IGSF10: variants seen among roughly 807,000 people sequenced by gnomAD.
The protein encoded by IGSF10 is calvaria mechanical force protein 608.
A neutral mutation model predicts 128.2 loss-of-function variants in IGSF10; 126 were observed. The ratio of observed to expected loss-of-function variants is 0.98; its 90% confidence interval spans 0.85 to 1.14. The LOEUF is 1.14. IGSF10 is among the 50% of genes most tolerant of loss of function. The pLI is 0.00. For synonymous variants in IGSF10, 1,185 were observed against 1,146.2 expected (o/e 1.03, Z -0.68); for missense variants, 3,295 against 3,149.8 (o/e 1.05, Z -1.10).
At chr3:151,483,535 A>G in the IGSF10 span, among the ~76,000 whole-genome samples, 2 of 152,210 alleles carry the variant, frequency 1.3e-5, no homozygotes, top group Non-Finnish European at 2.9e-5. Context: ...ATGGCCTAAT[A>G]GGAAAAACTC....
At chr3:151,583,574 C>T in the IGSF10 span, among the ~76,000 whole-genome samples, 2 of 152,056 alleles carry the variant, frequency 1.3e-5, no homozygotes, top group East Asian at 3.9e-4. Flanking sequence ...CAGGGCCTGT[C>T]GTGGAGTGGG....
chr3:151,463,543 T>TG (rs1722158424), upstream of IGSF10, among the ~76,000 whole-genome samples: 17 of 106,572 alleles, frequency 1.6e-4, 1 homozygote, highest in Middle Eastern at 5.0e-3. Context: ...TTTTTTTTTT[T>TG]TTTTTTTTTT....
chr3:151,544,715 G>A, the IGSF10 span, among the ~76,000 whole-genome samples: 1 of 149,454 alleles, frequency 6.7e-6, no homozygotes, highest in African/African-American at 2.5e-5. Flanking sequence ...TCAATGCCCT[G>A]GGGTTTGAAA....
chr3:151,449,909 G>A (rs1721429314), intron 5 of IGSF10, among the ~76,000 whole-genome samples: 1 of 152,332 alleles, frequency 6.6e-6, no homozygotes, highest in African/African-American at 2.4e-5. Flanking sequence ...AATATGGACA[G>A]TGACTAAAAG....
chr3:151,517,363 T>C, the IGSF10 span, among the ~76,000 whole-genome samples: 1 of 152,004 alleles, frequency 6.6e-6, no homozygotes, highest in Admixed American at 6.6e-5. Context: ...TATTTGATTT[T>C]AGGTCGTTTG....
rs1421313160 is a variant in IGSF10 at position 151,436,363 on chromosome 3, G to T, written c.*326C>A. The T allele has an allele frequency of 4.5e-6, 1 of 221,150 alleles. No individual in the cohort carries two copies. The highest frequency in any genetic ancestry group is 2.3e-5 in the African/African-American group (1 of 42,584). The allele number at this position is 221,150 out of a possible 1,614,324, so 13.7% of individuals were successfully genotyped here. ...ATAGGAGGTGGACACTAGGCAACTG[G>T]TATTAGAAGTTCATTTTTTTACTGA... On this transcript the variant is annotated 3_prime_UTR_variant, in exon 8 of 8. Coordinates refer to ENST00000282466, the MANE Select transcript of IGSF10 (RefSeq NM_178822.5).
chr3:151,516,560 G>A, the IGSF10 span, among the ~76,000 whole-genome samples: 1 of 152,054 alleles, frequency 6.6e-6, no homozygotes, highest in Non-Finnish European at 1.5e-5. Flanking sequence ...TAATCAGTCA[G>A]AAGCAGAACA....
At chr3:151,563,183 C>G in the IGSF10 span, among the ~76,000 whole-genome samples, 1 of 152,066 alleles carries the variant, frequency 6.6e-6, no homozygotes. Flanking sequence ...CATATATCTT[C>G]TCACCCTGCG....
the IGSF10 span, among the ~76,000 whole-genome samples, chr3:151,517,822 G>A: frequency 6.6e-6 from 1 of 151,936 alleles, no homozygotes. Flanking sequence ...AGGAAACATA[G>A]ATACTAGAAC....
chr3:151,615,799 G>A, the IGSF10 span, among the ~76,000 whole-genome samples: 2 of 152,010 alleles, frequency 1.3e-5, no homozygotes, highest in African/African-American at 4.8e-5. Context: ...GATAAAGATA[G>A]AAAAATATTA....
At chr3:151,581,836 C>T in the IGSF10 span, among the ~76,000 whole-genome samples, 3 of 152,124 alleles carry the variant, frequency 2.0e-5, no homozygotes, top group Admixed American at 1.3e-4. Context: ...TTTGGGAGGC[C>T]GAGGTGGGCG....
rs762858801 is a variant in IGSF10 at position 151,438,517 on chromosome 3, A to G, written c.6044T>C (p.Leu2015Ser). 35 of 1,613,976 alleles carry G rather than the reference A, an allele frequency of 2.2e-5. No homozygotes were observed. The highest frequency in any genetic ancestry group is 2.7e-5 in the Non-Finnish European group (32 of 1,180,032). ...CCCCATTTTGTTTCTTGCCACACAC[A>G]AGTAGACACCACTGTCTTTTTCTGT... ...SVTEKDSGVY[L>S]CVARNKMGDD... The change falls in exon 8 of 8, where the codon TTG (leucine) becomes TCG (serine). Residue 2015 changes from leucine to serine, a missense_variant. Transcript: ENST00000282466.
intron 5 of IGSF10, among the ~76,000 whole-genome samples, chr3:151,451,989 C>A (rs1721533118): frequency 6.6e-6 from 1 of 152,174 alleles, no homozygotes; most frequent in Non-Finnish European, 1.5e-5. Context: ...GAGATCAGTG[C>A]AAAAGGATTG....
the IGSF10 span, among the ~76,000 whole-genome samples, chr3:151,504,874 G>T: frequency 6.6e-6 from 1 of 152,206 alleles, no homozygotes; most frequent in African/African-American, 2.4e-5. Flanking sequence ...CCAGTTCTCA[G>T]TAAGTTCCTC....
chr3:151,442,120 T>C (rs1394481996), intron 7 of IGSF10, among the ~76,000 whole-genome samples: 1 of 152,194 alleles, frequency 6.6e-6, no homozygotes, highest in Admixed American at 6.5e-5. Context: ...TTTGTATATA[T>C]GTGTCTCATC....
At chr3:151,555,141 G>T in the IGSF10 span, among the ~76,000 whole-genome samples, 1 of 152,148 alleles carries the variant, frequency 6.6e-6, no homozygotes, top group Non-Finnish European at 1.5e-5. Context: ...TGGAAAAATT[G>T]TGTCCCATTA....
chr3:151,553,847 C>A, the IGSF10 span, among the ~76,000 whole-genome samples: 11 of 151,810 alleles, frequency 7.2e-5, no homozygotes, highest in African/African-American at 2.7e-4. Flanking sequence ...GGCATGGTGG[C>A]TCATGCCTGC....
chr3:151,532,628 C>T, the IGSF10 span, among the ~76,000 whole-genome samples: 309 of 152,238 alleles, frequency 2.0e-3, 2 homozygotes, highest in Non-Finnish European at 4.0e-3. Flanking sequence ...CACTCAACAG[C>T]GCTTCATGCT....
At chr3:151,500,148 A>T in the IGSF10 span, among the ~76,000 whole-genome samples, 3 of 152,184 alleles carry the variant, frequency 2.0e-5, no homozygotes, top group African/African-American at 7.2e-5. Context: ...TTGGTAGCTC[A>T]AATTATTCTA....
Sources: gnomAD v4.1 joint callset for allele counts (sites outside exome capture counted in the v4.1 genomes callset) on GRCh38, gnomAD v4.1.1 for gene constraint, MANE v1.5 for transcripts, NCBI Gene and HGNC (gene_info 2026-07-23, HGNC 2026-07-21) for gene names.